ARL14EPL: variants seen among roughly 807,000 people sequenced by gnomAD.
ARL14EPL encodes the protein ARF like GTPase 14 effector protein like.
A neutral mutation model predicts 15.9 loss-of-function variants in ARL14EPL; 17 were observed. The observed-to-expected ratio is 1.07, with a 90% CI of 0.73 to 1.60. The LOEUF is 1.60. Ranked by LOEUF, ARL14EPL falls within the 40% of genes most tolerant of loss-of-function variation. The pLI is 0.00. For missense variants in ARL14EPL, 214 were observed against 185.9 expected, an observed-to-expected ratio of 1.15 and a Z score of -0.88; for synonymous variants, 78 against 63.8, an observed-to-expected ratio of 1.22 and a Z score of -1.06.
intron 1 of ARL14EPL, among the ~76,000 whole-genome samples, chr5:116,040,995 T>TAAAAAAAAAAAAAAAAAAA (rs1749145719): frequency 8.7e-5 from 5 of 57,364 alleles, no homozygotes; most frequent in Non-Finnish European, 1.6e-4. Flanking sequence ...AAAAAAAAAG[T>TAAAAAAAAAAAAAAAAAAA]TTTTATGCTG....
intron 1 of ARL14EPL, among the ~76,000 whole-genome samples, chr5:116,040,970 A>T (rs1580411565): frequency 7.2e-6 from 1 of 139,584 alleles, no homozygotes; most frequent in Non-Finnish European, 1.5e-5. Context: ...ACAGAACGAG[A>T]TTCCCTCTCA....
intron 1 of ARL14EPL, among the ~76,000 whole-genome samples, chr5:116,034,001 T>C (rs1217771131): frequency 6.6e-6 from 1 of 152,214 alleles, no homozygotes; most frequent in Non-Finnish European, 1.5e-5. Context: ...GAGATGAGGC[T>C]GTCACCTTCT....
chr5:116,056,989 C>T (rs903787947), intron 3 of ARL14EPL, among the ~76,000 whole-genome samples: 24 of 152,132 alleles, frequency 1.6e-4, no homozygotes, highest in Non-Finnish European at 2.4e-4. Flanking sequence ...GAATTTTAGA[C>T]GAATATCCCT....
In ARL14EPL at chr5:116,042,185, C is replaced by T. The variant is rs114707048; in HGVS notation, c.-9-9272C>T. ...GGGACAGCACACTAGTCCCTCCGCC[C>T]GCTCTGCCCCTCTCAGCTGCACAGT... On this transcript the variant is annotated intron_variant, in intron 1 of 3. Transcript: ENST00000686077. Among the ~76,000 whole-genome samples, 1,079 of 152,272 alleles carry T rather than the reference C, an allele frequency of 7.1e-3. 11 individuals are homozygous for T. Among genetic ancestry groups the T allele is most frequent in the African/African-American group, 0.025 (1,040 of 41,538 alleles).
At chr5:116,035,973 C>G (rs1269384628) in intron 1 of ARL14EPL, among the ~76,000 whole-genome samples, 1 of 152,242 alleles carries the variant, frequency 6.6e-6, no homozygotes, top group Non-Finnish European at 1.5e-5. Flanking sequence ...CCTTCTTTCT[C>G]TTCCAACCTT....
Position 116,058,990 on chromosome 5 carries a change from T to A in ARL14EPL, c.*43T>A. 6.6e-7 allele frequency: 1 copy of A among 1,507,502 alleles called. No homozygotes were observed. The highest frequency in any genetic ancestry group is 8.9e-7 in the Non-Finnish European group (1 of 1,121,980). 93.4% of individuals were successfully genotyped at this position (1,507,502 alleles called of 1,614,324 possible). A position where few individuals can be genotyped will look rare whatever the true frequency, so the allele number is the denominator to read the frequency against. On this transcript the variant is annotated 3_prime_UTR_variant, in exon 4 of 4. Transcript: ENST00000686077. ...CTGATTTGTTTCTTCTTCTTACACA[T>A]TTAAGTTGACCTCTTTCTTTTGGGT...
chr5:116,037,342 G>A (rs909755903), intron 1 of ARL14EPL, among the ~76,000 whole-genome samples: 6 of 152,162 alleles, frequency 3.9e-5, no homozygotes, highest in Non-Finnish European at 4.4e-5. Flanking sequence ...TCCACTTTTC[G>A]AGAATGTTCT....
chr5:116,039,559 G>A (rs1173775014), intron 1 of ARL14EPL, among the ~76,000 whole-genome samples: 3 of 152,010 alleles, frequency 2.0e-5, no homozygotes, highest in African/African-American at 4.8e-5. Flanking sequence ...AGAACCTAAT[G>A]AGATTTATAT....
chr5:116,055,585 C>A (rs1039484616), intron 3 of ARL14EPL, among the ~76,000 whole-genome samples: 2 of 151,750 alleles, frequency 1.3e-5, no homozygotes, highest in African/African-American at 2.4e-5. Context: ...TTAGGGATAC[C>A]TACATATGTG....
At chr5:116,040,064 C>A (rs1018888020) in intron 1 of ARL14EPL, among the ~76,000 whole-genome samples, 44 of 152,262 alleles carry the variant, frequency 2.9e-4, no homozygotes, top group African/African-American at 9.4e-4. Flanking sequence ...AAACTTTTTA[C>A]TCTCCCAACT....
intron 1 of ARL14EPL, among the ~76,000 whole-genome samples, chr5:116,032,885 C>G (rs773501789): frequency 6.6e-6 from 1 of 152,148 alleles, no homozygotes; most frequent in Non-Finnish European, 1.5e-5. Context: ...GCAGCCTCGA[C>G]TTCCTGGGCT....
At chr5:116,056,990 G>A (rs1749531780) in intron 3 of ARL14EPL, among the ~76,000 whole-genome samples, 1 of 152,072 alleles carries the variant, frequency 6.6e-6, no homozygotes, top group East Asian at 1.9e-4. Context: ...AATTTTAGAC[G>A]AATATCCCTG....
At chr5:116,032,783 T>C (rs1748982231) in intron 1 of ARL14EPL, among the ~76,000 whole-genome samples, 1 of 152,086 alleles carries the variant, frequency 6.6e-6, no homozygotes, top group Non-Finnish European at 1.5e-5. Flanking sequence ...TTCTGAGTTT[T>C]TTGTTGTGGT....
chr5:116,044,010 A>G (rs76785560), intron 1 of ARL14EPL, among the ~76,000 whole-genome samples: 5 of 152,278 alleles, frequency 3.3e-5, no homozygotes, highest in Admixed American at 3.3e-4. Context: ...CATTTTATCA[A>G]TCTGGAACTG....
intron 1 of ARL14EPL, among the ~76,000 whole-genome samples, chr5:116,037,026 G>T (rs1271017365): frequency 6.6e-6 from 1 of 151,834 alleles, no homozygotes; most frequent in African/African-American, 2.4e-5. Flanking sequence ...TGAAACCACT[G>T]CATTAGGGGT....
intron 3 of ARL14EPL, among the ~76,000 whole-genome samples, chr5:116,055,695 T>C (rs2662474): frequency 0.81 from 121,940 of 151,402 alleles, 49,603 homozygotes; most frequent in African/African-American, 0.88. Flanking sequence ...ATGTGCACAA[T>C]GTGCAGGTTT....
At chr5:116,057,741 A>C (rs1749554019) in intron 3 of ARL14EPL, among the ~76,000 whole-genome samples, 1 of 152,212 alleles carries the variant, frequency 6.6e-6, no homozygotes, top group Admixed American at 6.5e-5. Flanking sequence ...TCTTAGGAAA[A>C]GGAACAGGAT....
chr5:116,049,744 G>A (rs1332080840), intron 1 of ARL14EPL, among the ~76,000 whole-genome samples: 1 of 152,186 alleles, frequency 6.6e-6, no homozygotes, highest in Non-Finnish European at 1.5e-5. Flanking sequence ...GGCTATGAGA[G>A]GGCAGTAAGA....
At chr5:116,047,377 G>A (rs1253073137) in intron 1 of ARL14EPL, among the ~76,000 whole-genome samples, 1 of 152,190 alleles carries the variant, frequency 6.6e-6, no homozygotes, top group Non-Finnish European at 1.5e-5. Flanking sequence ...AAATCTTGGA[G>A]CAGTGTTGTA....
Sources: allele counts gnomAD v4.1 joint callset (sites outside exome capture counted in the v4.1 genomes callset), GRCh38; gene constraint gnomAD v4.1.1; transcripts MANE v1.5; gene names NCBI Gene and HGNC (gene_info 2026-07-23, HGNC 2026-07-21).